Variants in DACH1 observed in about 807,000 individuals in gnomAD.
DACH1 encodes dachshund family transcription factor 1.
DACH1 carries 12 observed loss-of-function variants against 54.2 expected under a neutral mutation model. The ratio of observed to expected loss-of-function variants is 0.22; its 90% confidence interval spans 0.14 to 0.36. The LOEUF is 0.36. DACH1 is among the 10% of genes least tolerant of loss of function. The pLI is 1.00. For missense variants in DACH1, 805 were observed against 929.8 expected (o/e 0.87, Z 1.75); for synonymous variants, 386 against 366.2 (o/e 1.05, Z -0.62).
chr13:71,581,050 T>TC (rs1044512257), intron 3 of DACH1, among the ~76,000 whole-genome samples: 14 of 150,878 alleles, frequency 9.3e-5, no homozygotes, highest in African/African-American at 3.4e-4. Flanking sequence ...TTTTTTTTTT[T>TC]CTCTCATCAT....
chr13:71,811,124 G>T (rs1887693117), intron 1 of DACH1, among the ~76,000 whole-genome samples: 1 of 151,802 alleles, frequency 6.6e-6, no homozygotes, highest in Non-Finnish European at 1.5e-5. Context: ...ATTATATTTG[G>T]CAAGTAAAGG....
intron 2 of DACH1, among the ~76,000 whole-genome samples, chr13:71,668,213 T>C (rs189648857): frequency 6.6e-6 from 1 of 152,150 alleles, no homozygotes; most frequent in African/African-American, 2.4e-5. Context: ...CTTGATAATA[T>C]AGCATCACAT....
At chr13:71,772,846 GA>G (rs1211555174) in intron 1 of DACH1, among the ~76,000 whole-genome samples, 1 of 151,614 alleles carries the variant, frequency 6.6e-6, no homozygotes, top group Non-Finnish European at 1.5e-5. Flanking sequence ...CTGAATAAAT[GA>G]GATCTAAAAA....
chr13:71,546,196 TC>T (rs1223277050), intron 6 of DACH1, among the ~76,000 whole-genome samples: 1 of 152,088 alleles, frequency 6.6e-6, no homozygotes, highest in East Asian at 1.9e-4. Context: ...TTTCCTCAGA[TC>T]ACAGCTTCGT....
intron 3 of DACH1, among the ~76,000 whole-genome samples, chr13:71,580,577 A>C (rs1872763890): frequency 6.6e-6 from 1 of 152,212 alleles, no homozygotes; most frequent in Non-Finnish European, 1.5e-5. Flanking sequence ...AATTGAAAAC[A>C]TTTTTCCCAC....
chr13:71,598,954 G>A (rs1002207718), intron 3 of DACH1, among the ~76,000 whole-genome samples: 11 of 151,742 alleles, frequency 7.2e-5, no homozygotes. Flanking sequence ...CTCAAATCAG[G>A]GTCAGCTCTA....
chr13:71,517,371 G>T (rs1229432229), intron 6 of DACH1, among the ~76,000 whole-genome samples: 7 of 151,954 alleles, frequency 4.6e-5, no homozygotes, highest in African/African-American at 1.7e-4. Flanking sequence ...TTAAAAGAAA[G>T]AAATTAACTA....
At chr13:71,628,537 T>C (rs193259551) in intron 3 of DACH1, among the ~76,000 whole-genome samples, 289 of 152,148 alleles carry the variant, frequency 1.9e-3, no homozygotes, top group African/African-American at 6.7e-3. Context: ...AAAATTCAAG[T>C]AAATTTCTGC....
At chr13:71,684,325 T>G (rs1320883284) in intron 1 of DACH1, among the ~76,000 whole-genome samples, 1 of 152,168 alleles carries the variant, frequency 6.6e-6, no homozygotes, top group African/African-American at 2.4e-5. Context: ...CCTACTGGAT[T>G]CACAATCCTT....
chr13:71,797,247 C>A (rs1033707709), intron 1 of DACH1, among the ~76,000 whole-genome samples: 2 of 151,976 alleles, frequency 1.3e-5, no homozygotes, highest in Non-Finnish European at 2.9e-5. Flanking sequence ...TTTAAATATT[C>A]CTAACAAATG....
At chr13:71,507,671 C>T (rs1319155821) in intron 6 of DACH1, among the ~76,000 whole-genome samples, 1 of 152,136 alleles carries the variant, frequency 6.6e-6, no homozygotes, top group Non-Finnish European at 1.5e-5. Flanking sequence ...CTAGTCCATC[C>T]TTGGACTGAC....
chr13:71,569,700 T>G (rs1388101296), intron 4 of DACH1, among the ~76,000 whole-genome samples: 1 of 152,170 alleles, frequency 6.6e-6, no homozygotes, highest in African/African-American at 2.4e-5. Context: ...GAAAGCTGTA[T>G]TTTTGCTTCT....
chr13:71,491,571 A>G (rs1878983326), intron 6 of DACH1, among the ~76,000 whole-genome samples: 2 of 152,208 alleles, frequency 1.3e-5, no homozygotes, highest in Non-Finnish European at 2.9e-5. Context: ...TTAATTCAAT[A>G]TGTACATAAG....
intron 1 of DACH1, among the ~76,000 whole-genome samples, chr13:71,722,057 A>G (rs1413127798): frequency 3.9e-5 from 6 of 152,164 alleles, no homozygotes; most frequent in Non-Finnish European, 8.8e-5. Flanking sequence ...AATAATTTAT[A>G]TATTAGAAAG....
At chr13:71,841,162 C>T (rs1342498372) in intron 1 of DACH1, among the ~76,000 whole-genome samples, 4 of 152,280 alleles carry the variant, frequency 2.6e-5, no homozygotes, top group African/African-American at 7.2e-5. Context: ...ACTTTATTTG[C>T]TATCTTCTAA....
intron 1 of DACH1, among the ~76,000 whole-genome samples, chr13:71,851,206 T>C (rs1183839234): frequency 1.3e-5 from 2 of 152,190 alleles, no homozygotes; most frequent in African/African-American, 2.4e-5. Context: ...TCCTTCTTAA[T>C]AGAGATTAAT....
intron 1 of DACH1, among the ~76,000 whole-genome samples, chr13:71,834,694 A>ATAGAATTTT (rs113048488): frequency 0.081 from 12,371 of 151,984 alleles, 1,551 homozygotes; most frequent in African/African-American, 0.27. Flanking sequence ...TTTAAGTGGC[A>ATAGAATTTT]TCTGATGCAC....
chr13:71,739,007 C>G (rs1242275626), intron 1 of DACH1, among the ~76,000 whole-genome samples: 1 of 152,000 alleles, frequency 6.6e-6, no homozygotes, highest in Non-Finnish European at 1.5e-5. Flanking sequence ...AATCCCAGCA[C>G]TTTGGAAGGC....
At chr13:71,802,953 A>G (rs1261913464) in intron 1 of DACH1, among the ~76,000 whole-genome samples, 2 of 152,170 alleles carry the variant, frequency 1.3e-5, no homozygotes, top group Non-Finnish European at 1.5e-5. Flanking sequence ...TGGCAAAAAC[A>G]AAGTCCTTCT....
Sources: gnomAD v4.1 joint callset for allele counts (sites outside exome capture counted in the v4.1 genomes callset) on GRCh38, gnomAD v4.1.1 for gene constraint, MANE v1.5 for transcripts, NCBI Gene and HGNC (gene_info 2026-07-23, HGNC 2026-07-21) for gene names.